The following ZNF804B variants were observed in gnomAD, a reference collection of about 807,000 sequenced individuals.
ZNF804B encodes zinc finger 804B.
In ZNF804B, 80 loss-of-function variants were observed where a neutral mutation model predicts 101.4. That is an observed-to-expected ratio of 0.79 (90% CI 0.66 to 0.95). The LOEUF (loss-of-function observed/expected upper bound fraction) is 0.95. Ranked by LOEUF, ZNF804B falls within the 40% of genes least tolerant of loss-of-function variation. The pLI, the probability that ZNF804B is intolerant of heterozygous loss-of-function variation, is 0.00. For synonymous variants in ZNF804B, 622 were observed against 558.8 expected, an observed-to-expected ratio of 1.11 and a Z score of -1.59; for missense variants, 1,673 against 1,561.9, an observed-to-expected ratio of 1.07 and a Z score of -1.20.
chr7:89,065,886 C>G (rs1402650513), intron 1 of ZNF804B, among the ~76,000 whole-genome samples: 28 of 152,180 alleles, frequency 1.8e-4, no homozygotes, highest in Admixed American at 1.8e-3. Flanking sequence ...TCCTGATAAC[C>G]CAGGATAATC....
rs138479389 is a variant in ZNF804B, at chr7:89,235,804, G to T, written c.249+17509G>T. The stretch of plus-strand genomic sequence containing the variant: ...ATGTAACAATTGACTAAACTGAAAT[G>T]AAATACTCTTATTTGAATGCTTCCC... On this transcript the variant is annotated intron_variant, in intron 2 of 3. Coordinates refer to ENST00000333190, the MANE Select transcript of ZNF804B (RefSeq NM_181646.5). Among the ~76,000 whole-genome samples, 405 of 151,548 alleles carry T rather than the reference G, an allele frequency of 2.7e-3. 1 individual carries two copies. The highest frequency in any genetic ancestry group is 8.8e-3 in the African/African-American group (362 of 41,336).
intron 2 of ZNF804B, among the ~76,000 whole-genome samples, chr7:89,301,006 T>C: frequency 6.6e-6 from 1 of 151,052 alleles, no homozygotes; most frequent in East Asian, 1.9e-4. Flanking sequence ...ACTTAGGGGA[T>C]GAGCTAAACA....
chr7:88,980,683 G>T (rs1793681957), intron 1 of ZNF804B, among the ~76,000 whole-genome samples: 1 of 151,910 alleles, frequency 6.6e-6, no homozygotes, highest in South Asian at 2.1e-4. Context: ...CTCTCTTCAT[G>T]CTGAACTCCA....
chr7:88,947,938 C>T (rs961634998), intron 1 of ZNF804B, among the ~76,000 whole-genome samples: 1 of 151,932 alleles, frequency 6.6e-6, no homozygotes, highest in Non-Finnish European at 1.5e-5. Context: ...TATGTTTTCA[C>T]ACATTTTATC....
intron 2 of ZNF804B, among the ~76,000 whole-genome samples, chr7:89,260,273 A>G (rs1001331820): frequency 2.0e-5 from 3 of 152,146 alleles, no homozygotes; most frequent in Non-Finnish European, 4.4e-5. Flanking sequence ...TAAACAGTAA[A>G]GTTAGCCTAT....
intron 2 of ZNF804B, among the ~76,000 whole-genome samples, chr7:89,292,255 T>C (rs773463350): frequency 3.9e-5 from 6 of 152,170 alleles, no homozygotes; most frequent in Non-Finnish European, 8.8e-5. Flanking sequence ...ACACAGACTA[T>C]TTTAACACTG....
chr7:88,874,695 T>A (rs1223934031), intron 1 of ZNF804B, among the ~76,000 whole-genome samples: 2 of 152,198 alleles, frequency 1.3e-5, no homozygotes, highest in Non-Finnish European at 2.9e-5. Flanking sequence ...TGTTGAATTT[T>A]GTCAAAGGCC....
chr7:88,777,846 T>TAAA (rs3084379), intron 1 of ZNF804B, among the ~76,000 whole-genome samples: 5,645 of 107,362 alleles, frequency 0.053, 266 homozygotes, highest in East Asian at 0.25. Context: ...AGACTCCATC[T>TAAA]AAAAAAAAAA....
At chr7:89,086,277 T>G (rs1789800161) in intron 1 of ZNF804B, among the ~76,000 whole-genome samples, 1 of 152,026 alleles carries the variant, frequency 6.6e-6, no homozygotes, top group African/African-American at 2.4e-5. Flanking sequence ...AAATGGTTCA[T>G]TATGCATTTC....
intron 1 of ZNF804B, among the ~76,000 whole-genome samples, chr7:88,788,243 C>T (rs1198193894): frequency 6.6e-6 from 1 of 152,028 alleles, no homozygotes; most frequent in Admixed American, 6.6e-5. Flanking sequence ...GAATTAAATC[C>T]AGAACCCCTA....
At chr7:88,899,543 G>A (rs531185955) in intron 1 of ZNF804B, among the ~76,000 whole-genome samples, 1 of 152,204 alleles carries the variant, frequency 6.6e-6, no homozygotes, top group South Asian at 2.1e-4. Context: ...TCAGCTCCTA[G>A]CCAATCATCT....
At position 88,972,558 on chromosome 7, in the gene ZNF804B, C is replaced by T. The variant is rs1374257417; in HGVS notation, c.108+212474C>T. 4.0e-5 allele frequency among the ~76,000 whole-genome samples: 6 copies of T among 151,274 alleles called. No individual in the cohort carries two copies. In the Admixed American group the frequency reaches 4.0e-4, roughly 10 times the overall value. On this transcript the variant is annotated intron_variant, in intron 1 of 3. Transcript: ENST00000333190. The stretch of plus-strand genomic sequence containing the variant: ...AGGATTGTGATAGAAAAAAAGTCCC[C>T]TGTTAATTATCAGTTTTTCATAAAC...
At chr7:88,938,068 T>C (rs1180473766) in intron 1 of ZNF804B, among the ~76,000 whole-genome samples, 1 of 152,018 alleles carries the variant, frequency 6.6e-6, no homozygotes, top group Non-Finnish European at 1.5e-5. Flanking sequence ...TTAAGAAATA[T>C]ATTGGTTTGG....
At chr7:89,156,188 C>T (rs1790972385) in intron 1 of ZNF804B, among the ~76,000 whole-genome samples, 2 of 151,462 alleles carry the variant, frequency 1.3e-5, no homozygotes, top group Non-Finnish European at 3.0e-5. Context: ...ATCTTGGCTC[C>T]CCACAACCTC....
intron 1 of ZNF804B, among the ~76,000 whole-genome samples, chr7:88,944,693 A>G (rs1793101955): frequency 6.6e-6 from 1 of 151,888 alleles, no homozygotes; most frequent in Admixed American, 6.6e-5. Flanking sequence ...CATTTAAAAT[A>G]TACAAAAGGA....
intron 2 of ZNF804B, among the ~76,000 whole-genome samples, chr7:89,281,752 A>T (rs1014320730): frequency 1.3e-5 from 2 of 152,164 alleles, no homozygotes; most frequent in African/African-American, 4.8e-5. Context: ...TTGTCTATAG[A>T]CTATAAACAG....
intron 1 of ZNF804B, among the ~76,000 whole-genome samples, chr7:88,802,653 C>T (rs370975618): frequency 6.6e-6 from 1 of 150,966 alleles, no homozygotes; most frequent in Non-Finnish European, 1.5e-5. Flanking sequence ...TATAATTTTT[C>T]GTAATTTTTT....
intron 2 of ZNF804B, among the ~76,000 whole-genome samples, chr7:89,270,662 G>T (rs151168955): frequency 1.1e-3 from 171 of 152,244 alleles, no homozygotes; most frequent in African/African-American, 3.9e-3. Context: ...TGGGCAATAT[G>T]GCCATTTTCA....
intron 1 of ZNF804B, among the ~76,000 whole-genome samples, chr7:88,843,565 G>A (rs1253783725): frequency 3.3e-5 from 5 of 151,854 alleles, no homozygotes; most frequent in Admixed American, 1.3e-4. Flanking sequence ...GTCAAACCCC[G>A]TCTCTACTAA....
Sources: gnomAD v4.1 joint callset for allele counts (sites outside exome capture counted in the v4.1 genomes callset) on GRCh38, gnomAD v4.1.1 for gene constraint, MANE v1.5 for transcripts, NCBI Gene and HGNC (gene_info 2026-07-23, HGNC 2026-07-21) for gene names.